The following ANK3 variants were observed in gnomAD, a reference collection of about 807,000 sequenced individuals.
ANK3 encodes ankyrin 3.
ANK3 carries 57 observed loss-of-function variants against 370.9 expected under a neutral mutation model. The ratio of observed to expected loss-of-function variants is 0.15; its 90% CI spans 0.12 to 0.19. ANK3 has a LOEUF of 0.19. ANK3 is among the 10% of genes least tolerant of loss of function. ANK3 has a pLI of 1.00. For synonymous variants in ANK3, 1,929 were observed against 1,946.3 expected (o/e 0.99, Z 0.23); for missense variants, 4,439 against 5,302.1 (o/e 0.84, Z 5.06).
chr10:60,205,651 C>T (rs75461667), intron 11 of ANK3, 141 bp downstream of exon 11: 8,536 of 625,368 alleles, frequency 0.014, 464 homozygotes, highest in African/African-American at 0.13. Flanking sequence ...TGGCAGCCCT[C>T]TTCCTAAAGA....
chr10:60,539,214 G>C (rs2076791512), intron 2 of ANK3, among the ~76,000 whole-genome samples: 1 of 151,944 alleles, frequency 6.6e-6, no homozygotes, highest in African/African-American at 2.4e-5. Context: ...TATGAAAATA[G>C]AACTATTATT....
intron 16 of ANK3, among the ~76,000 whole-genome samples, chr10:60,195,388 CAAA>C (rs1320105561): frequency 4.2e-5 from 3 of 71,754 alleles, no homozygotes; most frequent in African/African-American, 9.6e-5. Flanking sequence ...CGTCTCCCTC[CAAA>C]AAAAAAAAAA....
chr10:60,496,387 T>C (rs1335328843), intron 2 of ANK3, among the ~76,000 whole-genome samples: 1 of 152,218 alleles, frequency 6.6e-6, no homozygotes, highest in Non-Finnish European at 1.5e-5. Flanking sequence ...TCCTATGTGT[T>C]GAGCAATTAG....
intron 1 of ANK3, among the ~76,000 whole-genome samples, chr10:60,315,319 T>A (rs2047174927): frequency 6.6e-6 from 1 of 152,184 alleles, no homozygotes; most frequent in Admixed American, 6.5e-5. Flanking sequence ...TTGAAAGTAT[T>A]TTTATATTAC....
chr10:60,338,640 T>A (rs10761483), intron 1 of ANK3, among the ~76,000 whole-genome samples: 113,841 of 152,010 alleles, frequency 0.75, 42,884 homozygotes, highest in South Asian at 0.92. Context: ...AACTATTGCC[T>A]CCCCAATTCA....
intron 1 of ANK3, among the ~76,000 whole-genome samples, chr10:60,628,248 C>T (rs2078437078): frequency 6.6e-6 from 1 of 152,078 alleles, no homozygotes; most frequent in African/African-American, 2.4e-5. Flanking sequence ...TGTTCCAGAA[C>T]CCCATAGCTT....
intron 23 of ANK3, among the ~76,000 whole-genome samples, chr10:60,156,795 T>C (rs2095342441): frequency 6.6e-6 from 1 of 152,166 alleles, no homozygotes; most frequent in Non-Finnish European, 1.5e-5. Flanking sequence ...CCTTTTGAAT[T>C]CTTGGAAAGT....
chr10:60,045,266 T>A (rs922370641), intron 42 of ANK3, among the ~76,000 whole-genome samples: 9 of 152,224 alleles, frequency 5.9e-5, no homozygotes. Flanking sequence ...AGTTAGAATC[T>A]GGCTTTCTGA....
chr10:60,652,233 T>C (rs1738992430), intron 1 of ANK3, among the ~76,000 whole-genome samples: 1 of 151,756 alleles, frequency 6.6e-6, no homozygotes. Flanking sequence ...TCGTCTCTAC[T>C]AAAAATAAAA....
rs771896357 is a variant in ANK3 at position 60,073,491 on chromosome 10, C to G, written c.7390G>C (p.Ala2464Pro). 23 of 1,614,042 alleles carry G rather than the reference C, an allele frequency of 1.4e-5. No homozygotes were observed. Among genetic ancestry groups the G allele is most frequent in the Non-Finnish European group, 1.9e-5 (23 of 1,179,996 alleles). The change falls in exon 37 of 44, where the codon GCT (alanine) becomes CCT (proline). Residue 2464 changes from alanine to proline, a missense_variant. Ala to Pro is a conservative substitution (Grantham distance 27). Transcript: ENST00000280772. ...SELRGESYRF[A>P]EKMLLSEKLD... ...TTTTCTGACAGAAGCATTTTCTCAGCAAACCTGTAAGACTCCCCTCTTAGT... is the reference window on the plus strand; with the variant it reads ...TTTTCTGACAGAAGCATTTTCTCAGGAAACCTGTAAGACTCCCCTCTTAGT...
chr10:60,646,321 T>C (rs974110514), intron 1 of ANK3, among the ~76,000 whole-genome samples: 3 of 152,148 alleles, frequency 2.0e-5, no homozygotes, highest in African/African-American at 7.2e-5. Context: ...AAGTGTTCTA[T>C]GCAAAAAAGT....
chr10:60,261,749 G>T, intron 7 of ANK3, 110 bp downstream of exon 7: 1 of 842,890 alleles, frequency 1.2e-6, no homozygotes, highest in Non-Finnish European at 1.9e-6. Context: ...AGCCTTCACT[G>T]ACTGGAAGGA....
chr10:60,214,323 G>A lies in ANK3; in HGVS notation c.898-813C>T, dbSNP rs373575779. On this transcript the variant is annotated intron_variant, in intron 8 of 43. Coordinates refer to ENST00000280772, the MANE Select transcript of ANK3 (RefSeq NM_020987.5). ...ATGTAGACTGTTGTAGTAGAGTTAC[G>A]AATTCTCTGAATTCCATGTGAAAAA... is the stretch of plus-strand genomic sequence containing the variant. Among the ~76,000 whole-genome samples the A allele has an allele frequency of 1.1e-4, 16 of 152,128 alleles. No individual in the cohort carries two copies. In the East Asian group the frequency reaches 1.9e-3, roughly 18 times the overall value.
At chr10:60,365,428 TA>T (rs1263110915) in intron 1 of ANK3, among the ~76,000 whole-genome samples, 1 of 152,150 alleles carries the variant, frequency 6.6e-6, no homozygotes, top group African/African-American at 2.4e-5. Flanking sequence ...TCTAAAACAA[TA>T]AAGGGCAATC....
At chr10:60,531,763 T>C (rs1393398213) in intron 2 of ANK3, among the ~76,000 whole-genome samples, 1 of 152,150 alleles carries the variant, frequency 6.6e-6, no homozygotes, top group Non-Finnish European at 1.5e-5. Context: ...GAAGTTCGTA[T>C]TGCAGTTTTC....
chr10:60,599,449 CA>C (rs1158215878), intron 2 of ANK3, among the ~76,000 whole-genome samples: 1 of 152,176 alleles, frequency 6.6e-6, no homozygotes, highest in Non-Finnish European at 1.5e-5. Context: ...ACATTACTCA[CA>C]TGAAAGGCTA....
intron 1 of ANK3, among the ~76,000 whole-genome samples, chr10:60,296,120 T>A (rs943743918): frequency 3.9e-5 from 6 of 152,190 alleles, no homozygotes; most frequent in Non-Finnish European, 8.8e-5. Context: ...AAAGTACAGA[T>A]CAGGATCACT....
chr10:60,517,807 TC>T (rs1449367886), intron 2 of ANK3, among the ~76,000 whole-genome samples: 1 of 151,716 alleles, frequency 6.6e-6, no homozygotes, highest in East Asian at 1.9e-4. Context: ...ACAAGATGAC[TC>T]TCCCAGGGTA....
At chr10:60,199,085 G>T (rs1339555285) in intron 13 of ANK3, among the ~76,000 whole-genome samples, 4 of 152,088 alleles carry the variant, frequency 2.6e-5, no homozygotes, top group Non-Finnish European at 5.9e-5. Context: ...TCCTGGCAAG[G>T]GCTGCATCTG....
Sources: gnomAD v4.1 joint callset for allele counts (sites outside exome capture counted in the v4.1 genomes callset) on GRCh38, gnomAD v4.1.1 for gene constraint, MANE v1.5 for transcripts, NCBI Gene and HGNC (gene_info 2026-07-23, HGNC 2026-07-21) for gene names.